Variants in RP1 observed in about 807,000 individuals in gnomAD.
The protein encoded by RP1 is oxygen-regulated protein 1.
In RP1, 16 loss-of-function variants were observed where a neutral mutation model predicts 14.8. The observed-to-expected ratio is 1.08, with a 90% confidence interval of 0.73 to 1.65. The LOEUF (loss-of-function observed/expected upper bound fraction) is 1.65. Ranked by LOEUF, RP1 falls within the 40% of genes most tolerant of loss-of-function variation. The pLI is 0.00. For missense variants in RP1, 2,631 were observed against 2,535.0 expected (o/e 1.04, Z -0.81); for synonymous variants, 876 against 883.6 (o/e 0.99, Z 0.15).
chr8:54,601,537 C>T (rs946327726), intron 1 of RP1, among the ~76,000 whole-genome samples: 3 of 137,956 alleles, frequency 2.2e-5, no homozygotes, highest in African/African-American at 8.4e-5. Flanking sequence ...CTAACGTGCA[C>T]ATTGTGCACA....
chr8:54,806,335 A>G (rs1414723364), intron 24 of RP1, among the ~76,000 whole-genome samples: 1 of 152,026 alleles, frequency 6.6e-6, no homozygotes, highest in Non-Finnish European at 1.5e-5. Flanking sequence ...TTTTAACCTC[A>G]GCATAGAGTC....
At chr8:54,739,606 T>G (rs1809021065) in intron 19 of RP1, among the ~76,000 whole-genome samples, 1 of 152,138 alleles carries the variant, frequency 6.6e-6, no homozygotes, top group South Asian at 2.1e-4. Context: ...CATTGATCAT[T>G]AGATGACCAC....
intron 12 of RP1, among the ~76,000 whole-genome samples, chr8:54,688,428 G>A (rs1563348142): frequency 6.6e-6 from 1 of 152,088 alleles, no homozygotes; most frequent in Non-Finnish European, 1.5e-5. Flanking sequence ...TTTTCTTCTA[G>A]GGTTTTTATG....
At chr8:54,750,515 G>A (rs1809334605) in intron 19 of RP1, among the ~76,000 whole-genome samples, 1 of 152,160 alleles carries the variant, frequency 6.6e-6, no homozygotes, top group African/African-American at 2.4e-5. Flanking sequence ...GAAGCCAGCT[G>A]GACTTCCTAG....
At chr8:54,789,289 T>A (rs113205014) in intron 24 of RP1, among the ~76,000 whole-genome samples, 5 of 152,284 alleles carry the variant, frequency 3.3e-5, no homozygotes, top group African/African-American at 1.2e-4. Context: ...GAATACAGTC[T>A]GCAGTTATGC....
intron 1 of RP1, among the ~76,000 whole-genome samples, chr8:54,602,082 A>T (rs1488672756): frequency 2.0e-5 from 3 of 152,236 alleles, no homozygotes; most frequent in African/African-American, 7.2e-5. Context: ...AATGTGCACA[A>T]CGTGCAGGTT....
At chr8:54,851,062 T>G (rs755824375) in intron 25 of RP1, among the ~76,000 whole-genome samples, 4 of 152,250 alleles carry the variant, frequency 2.6e-5, no homozygotes, top group Non-Finnish European at 5.9e-5. Flanking sequence ...TGTGTGTGTG[T>G]GTGTGCGTGC....
intron 25 of RP1, among the ~76,000 whole-genome samples, chr8:54,842,965 C>A (rs766856609): frequency 2.0e-5 from 3 of 152,184 alleles, no homozygotes; most frequent in Admixed American, 6.5e-5. Flanking sequence ...GTTTCCAGTG[C>A]TGCTTTCCTG....
At chr8:54,734,496 C>A (rs1224916928) in intron 17 of RP1, 46 of 1,474,514 alleles carry the variant, frequency 3.1e-5, no homozygotes, top group Non-Finnish European at 4.1e-5. Flanking sequence ...AGGATTCTGT[C>A]AGCCTGATGT....
At chr8:54,754,444 G>T (rs1257654739) in intron 19 of RP1, among the ~76,000 whole-genome samples, 2 of 151,844 alleles carry the variant, frequency 1.3e-5, no homozygotes, top group African/African-American at 4.8e-5. Context: ...AAGATTGAAA[G>T]AATTTTACAA....
intron 25 of RP1, among the ~76,000 whole-genome samples, chr8:54,846,941 A>G (rs1811934995): frequency 6.6e-6 from 1 of 152,128 alleles, no homozygotes; most frequent in African/African-American, 2.4e-5. Context: ...TCCCTTTGGG[A>G]CTGTCACACT....
upstream of RP1, among the ~76,000 whole-genome samples, chr8:54,612,518 A>G (rs889684833): frequency 5.9e-5 from 9 of 152,248 alleles, no homozygotes; most frequent in African/African-American, 2.2e-4. Flanking sequence ...AGTTTCTGCT[A>G]GTACAATTTT....
At chr8:54,867,086 G>T (rs1461879284) in intron 28 of RP1, among the ~76,000 whole-genome samples, 2 of 152,168 alleles carry the variant, frequency 1.3e-5, no homozygotes, top group Non-Finnish European at 2.9e-5. Context: ...ACATGAAGCT[G>T]GAGAGCTGAG....
intron 18 of RP1, among the ~76,000 whole-genome samples, chr8:54,736,484 C>T (rs191035276): frequency 3.3e-5 from 5 of 152,264 alleles, no homozygotes; most frequent in African/African-American, 1.2e-4. Flanking sequence ...ACTTAAAAGC[C>T]TTGCTGTGTA....
chr8:54,711,212 T>C (rs1808287856), intron 15 of RP1, among the ~76,000 whole-genome samples: 1 of 152,188 alleles, frequency 6.6e-6, no homozygotes, highest in Non-Finnish European at 1.5e-5. Flanking sequence ...GTTAAGGTTT[T>C]GAAGATCTTC....
chr8:54,647,725 A>G (rs914985133), intron 3 of RP1, among the ~76,000 whole-genome samples: 1 of 150,984 alleles, frequency 6.6e-6, no homozygotes, highest in South Asian at 2.1e-4. Context: ...TTCTTGCTCT[A>G]TTGCCCAGGC....
chr8:54,704,886 ATC>A (rs763576840), intron 14 of RP1, among the ~76,000 whole-genome samples: 2 of 152,292 alleles, frequency 1.3e-5, no homozygotes, highest in African/African-American at 2.4e-5. Flanking sequence ...TGAACATTTA[ATC>A]TCTCTCTTTT....
intron 24 of RP1, among the ~76,000 whole-genome samples, chr8:54,821,207 G>C (rs1390891989): frequency 6.6e-6 from 1 of 152,046 alleles, no homozygotes; most frequent in African/African-American, 2.4e-5. Flanking sequence ...GGGAAATATA[G>C]TAATAACCAT....
intron 19 of RP1, among the ~76,000 whole-genome samples, chr8:54,754,079 G>A (rs996283437): frequency 2.2e-4 from 33 of 152,290 alleles, no homozygotes; most frequent in African/African-American, 7.0e-4. Flanking sequence ...GGAAGATAAA[G>A]GGAAGGGGCC....
Sources: gnomAD v4.1 joint callset for allele counts (sites outside exome capture counted in the v4.1 genomes callset) on GRCh38, gnomAD v4.1.1 for gene constraint, MANE v1.5 for transcripts, NCBI Gene and HGNC (gene_info 2026-07-23, HGNC 2026-07-21) for gene names.